Variants in ADARB2 observed in about 807,000 individuals in gnomAD.
ADARB2 encodes the protein inactive double-stranded RNA-specific editase B2.
ADARB2 carries 25 observed loss-of-function variants against 62.2 expected under a neutral mutation model. That is an observed-to-expected ratio of 0.40 (90% CI 0.29 to 0.56). ADARB2 has a LOEUF of 0.56. Ranked by LOEUF, ADARB2 falls within the 20% of genes least tolerant of loss-of-function variation. The probability of loss-of-function intolerance (pLI) is 0.43; values close to 1 mark genes in which losing one functional copy is unlikely to be tolerated. For synonymous variants in ADARB2, 572 were observed against 500.8 expected, an observed-to-expected ratio of 1.14 and a Z score of -1.90; for missense variants, 1,071 against 1,077.4, an observed-to-expected ratio of 0.99 and a Z score of 0.08.
At chr10:1,601,000 C>T (rs1316644863) in intron 1 of ADARB2, among the ~76,000 whole-genome samples, 1 of 152,188 alleles carries the variant, frequency 6.6e-6, no homozygotes, top group Non-Finnish European at 1.5e-5. Context: ...CAGGGCCTTG[C>T]TCAGTCTCAG....
chr10:1,499,768 C>G (rs1272438535), intron 1 of ADARB2, among the ~76,000 whole-genome samples: 1 of 152,124 alleles, frequency 6.6e-6, no homozygotes, highest in Admixed American at 6.5e-5. Flanking sequence ...TTACTTGTTA[C>G]TCACTCATTA....
intron 3 of ADARB2, among the ~76,000 whole-genome samples, chr10:1,329,929 CTTTTTTTTTT>C (rs370355543): frequency 0.11 from 11,076 of 100,532 alleles, 775 homozygotes; most frequent in East Asian, 0.24. Context: ...GAAGAAGTGC[CTTTTTTTTTT>C]TTTTTTTTTT....
intron 1 of ADARB2, among the ~76,000 whole-genome samples, chr10:1,435,705 C>A (rs1317555083): frequency 6.6e-6 from 1 of 152,216 alleles, no homozygotes; most frequent in Non-Finnish European, 1.5e-5. Context: ...GGCCTGCCTG[C>A]GTCCAGCTCG....
intron 1 of ADARB2, among the ~76,000 whole-genome samples, chr10:1,472,483 G>T (rs1831337011): frequency 6.6e-6 from 1 of 152,182 alleles, no homozygotes; most frequent in Non-Finnish European, 1.5e-5. Flanking sequence ...GACCGTGGGG[G>T]TGTACCCAAG....
intron 1 of ADARB2, among the ~76,000 whole-genome samples, chr10:1,416,890 C>T (rs974028841): frequency 6.6e-6 from 1 of 152,248 alleles, no homozygotes; most frequent in Non-Finnish European, 1.5e-5. Context: ...GGGGCATGAC[C>T]ATCCACAGCT....
At chr10:1,428,828 C>A (rs188848422) in intron 1 of ADARB2, among the ~76,000 whole-genome samples, 13,371 of 151,928 alleles carry the variant, frequency 0.088, 631 homozygotes, top group South Asian at 0.19. Context: ...CACTTACACA[C>A]ACACACACGC....
intron 4 of ADARB2, among the ~76,000 whole-genome samples, chr10:1,266,041 A>C (rs1831195647): frequency 1.6e-5 from 2 of 125,736 alleles, no homozygotes; most frequent in East Asian, 2.6e-4. Context: ...GTCCCCCGGA[A>C]GACGGCCTGA....
chr10:1,308,085 AAAAT>A (rs58142091), intron 3 of ADARB2, among the ~76,000 whole-genome samples: 65,050 of 150,184 alleles, frequency 0.43, 15,608 homozygotes, highest in South Asian at 0.69. Context: ...TATAATAAAA[AAAAT>A]AAATTAAAAA....
chr10:1,529,423 G>A (rs1200961186), intron 1 of ADARB2, among the ~76,000 whole-genome samples: 1 of 152,108 alleles, frequency 6.6e-6, no homozygotes, highest in Non-Finnish European at 1.5e-5. Context: ...GGAAGGCGAG[G>A]ACCTGAGAAA....
chr10:1,395,410 G>A (rs1383197578), intron 1 of ADARB2, among the ~76,000 whole-genome samples: 2 of 152,158 alleles, frequency 1.3e-5, no homozygotes, highest in South Asian at 2.1e-4. Flanking sequence ...CTTCACAGAG[G>A]TCCTGACAGT....
Position 1,332,266 on chromosome 10 carries a change from C to T in ADARB2, c.1077+30762G>A, listed in dbSNP as rs191042985. 3.0e-4 allele frequency among the ~76,000 whole-genome samples: 45 copies of T among 151,880 alleles called. No individual in the cohort carries two copies. The South Asian group carries it at 4.8e-3, about 16-fold the overall frequency. ...AAAACAATAAAAAATTAGCCAGGTGCGGTGGTGGACGTCTATAGTCCCAGC... is the reference window on the plus strand; with the variant it reads ...AAAACAATAAAAAATTAGCCAGGTGTGGTGGTGGACGTCTATAGTCCCAGC... On this transcript the variant is annotated intron_variant, in intron 3 of 9. Transcript: ENST00000381312.
intron 1 of ADARB2, among the ~76,000 whole-genome samples, chr10:1,459,939 TGC>T (rs879689141): frequency 0.021 from 3,010 of 144,414 alleles, 491 homozygotes; most frequent in African/African-American, 0.062. Flanking sequence ...TGAGTTTACC[TGC>T]GTTACGAACC....
intron 1 of ADARB2, among the ~76,000 whole-genome samples, chr10:1,617,007 G>T (rs112240529): frequency 3.3e-5 from 5 of 150,680 alleles, no homozygotes; most frequent in South Asian, 2.1e-4. Flanking sequence ...AGATGTTTGT[G>T]TGCCCGTCCA....
At chr10:1,217,231 G>T in intron 6 of ADARB2, 112 bp from the exon 7 acceptor site, 1 of 1,124,452 alleles carries the variant, frequency 8.9e-7, no homozygotes, top group South Asian at 1.7e-5. Flanking sequence ...CACCATGGCT[G>T]GGCGTTTGGC....
intron 3 of ADARB2, among the ~76,000 whole-genome samples, chr10:1,286,437 A>G (rs990128592): frequency 6.6e-6 from 1 of 152,248 alleles, no homozygotes; most frequent in Non-Finnish European, 1.5e-5. Context: ...AGGGACTGGT[A>G]AAAACCGATG....
At chr10:1,198,062 G>C (rs1404772738) in intron 8 of ADARB2, among the ~76,000 whole-genome samples, 1 of 152,244 alleles carries the variant, frequency 6.6e-6, no homozygotes, top group Non-Finnish European at 1.5e-5. Context: ...TTTGCTGAAG[G>C]ATTCAGCGTT....
chr10:1,695,821 TGA>T lies in ADARB2; in HGVS notation c.100+41228_100+41229del, dbSNP rs560062280. On this transcript the variant is annotated intron_variant, in intron 1 of 9. Transcript: ENST00000381312. The stretch of plus-strand genomic sequence containing the variant: ...GTGTGTATATATGTACATGTGTTTG[TGA>T]GAGTGCATGCATGTGTGTGTACATG... 2.8e-3 allele frequency among the ~76,000 whole-genome samples: 426 copies of T among 151,408 alleles called. 1 individual carries two copies. Among genetic ancestry groups the T allele is most frequent in the African/African-American group, 8.3e-3 (340 of 41,032 alleles).
At chr10:1,457,886 C>T (rs12250251) in intron 1 of ADARB2, among the ~76,000 whole-genome samples, 17,785 of 73,434 alleles carry the variant, frequency 0.24, 1,377 homozygotes, top group African/African-American at 0.3. Flanking sequence ...CCACCCAACC[C>T]GAGGCGAATG....
At chr10:1,259,889 CA>C (rs1401376843) in intron 4 of ADARB2, among the ~76,000 whole-genome samples, 2 of 152,130 alleles carry the variant, frequency 1.3e-5, no homozygotes, top group East Asian at 1.9e-4. Flanking sequence ...AGCATTGATG[CA>C]AAAATCCTCA....
Sources: gnomAD v4.1 joint callset for allele counts (sites outside exome capture counted in the v4.1 genomes callset) on GRCh38, gnomAD v4.1.1 for gene constraint, MANE v1.5 for transcripts, NCBI Gene and HGNC (gene_info 2026-07-23, HGNC 2026-07-21) for gene names.